MKNK2: variants seen among roughly 807,000 people sequenced by gnomAD.
The protein encoded by MKNK2 is MAP kinase-interacting serine/threonine-protein kinase 2.
MKNK2 carries 54 observed loss-of-function variants against 55.0 expected under a neutral mutation model. The observed-to-expected ratio is 0.98, with a 90% confidence interval of 0.79 to 1.23. The LOEUF (loss-of-function observed/expected upper bound fraction) is 1.23, where lower values mean the gene tolerates loss of function less well. Among genes scored for constraint, MKNK2 ranks in the 50% most tolerant of loss-of-function variants. MKNK2 has a pLI of 0.00. For missense variants in MKNK2, 685 were observed against 632.1 expected, an observed-to-expected ratio of 1.08 and a Z score of -0.90; for synonymous variants, 323 against 256.0, an observed-to-expected ratio of 1.26 and a Z score of -2.50.
chr19:2,046,705 G>A lies in MKNK2; in HGVS notation c.52-14C>T. 1 of 1,502,742 alleles carries A rather than the reference G, an allele frequency of 6.7e-7. No individual in the cohort carries two copies. The highest frequency in any genetic ancestry group is 8.9e-7 in the Non-Finnish European group (1 of 1,126,996). The allele number at this position is 1,502,742 out of a possible 1,614,324, so 93.1% of individuals were successfully genotyped here. ...GGGGTTCTGCCCCTGCAGGGGAGAGGAGAGGAGAGGCACTCAGGCCCCATC... is the reference window on the plus strand; with the variant it reads ...GGGGTTCTGCCCCTGCAGGGGAGAGAAGAGGAGAGGCACTCAGGCCCCATC... On this transcript the variant is annotated splice_polypyrimidine_tract_variant and intron_variant, in intron 2 of 13. Coordinates refer to ENST00000250896, the MANE Select transcript of MKNK2 (RefSeq NM_199054.3).
At chr19:2,043,727 G>A (rs1424676907) in intron 5 of MKNK2, 145 bp from the exon 6 acceptor site, 3 of 766,036 alleles carry the variant, frequency 3.9e-6, no homozygotes, top group East Asian at 2.8e-5. Context: ...TGTCATCCCA[G>A]CACTTTGGGA....
chr19:2,039,584 G>A lies in MKNK2; in HGVS notation c.*29C>T, dbSNP rs2016828528. ...CTTTAGATTTGATTGGGGGACGGGT[G>A]ACCTATGTACAGAGGGGAGATGGGA... is the stretch of plus-strand genomic sequence containing the variant. On this transcript the variant is annotated 3_prime_UTR_variant, in exon 14 of 14. Coordinates refer to ENST00000250896, the MANE Select transcript of MKNK2 (RefSeq NM_199054.3). 1.9e-6 allele frequency: 3 copies of A among 1,579,454 alleles called. No individual in the cohort carries two copies. The highest frequency in any genetic ancestry group is 3.4e-5 in the Admixed American group (2 of 58,306).
Position 2,037,631 on chromosome 19 carries a change from GTTTT to G in MKNK2, c.*1978_*1981del, listed in dbSNP as rs71652796. 2.1e-4 allele frequency: 127 copies of G among 591,308 alleles called. No homozygotes were observed. Among genetic ancestry groups the G allele is most frequent in the Middle Eastern group, 5.5e-4 (1 of 1,830 alleles). 36.6% of individuals were successfully genotyped at this position (591,308 alleles called of 1,614,324 possible). On this transcript the variant is annotated 3_prime_UTR_variant, in exon 14 of 14. Transcript: ENST00000250896. ...CCCCCACTTTAAAAAAACTTTTGAGGTTTTTTTTTTTTTTTTGTCTTTTAAAAAC... is the reference window on the plus strand; with the variant it reads ...CCCCCACTTTAAAAAAACTTTTGAGGTTTTTTTTTTTTGTCTTTTAAAAAC...
At chr19:2,051,040 C>T (rs891488361) in intron 1 of MKNK2, 56 bp downstream of exon 1, 10 of 362,246 alleles carry the variant, frequency 2.8e-5, no homozygotes, top group Non-Finnish European at 4.9e-5. Flanking sequence ...CTCCGCGGGG[C>T]CCGTTTCCCG....
intron 10 of MKNK2, 44 bp from the exon 11 acceptor site, chr19:2,042,078 T>TA (rs1394107064): frequency 1.4e-6 from 2 of 1,435,276 alleles, no homozygotes; most frequent in Non-Finnish European, 1.8e-6. Flanking sequence ...TTCCCAGCAT[T>TA]ACGTGGGAAC....
chr19:2,042,610 G>C lies in MKNK2; in HGVS notation c.651C>G (p.Asn217Lys). 1 of 1,566,710 alleles carries C rather than the reference G, an allele frequency of 6.4e-7. No homozygotes were observed. The highest frequency in any genetic ancestry group is 8.7e-7 in the Non-Finnish European group (1 of 1,155,446). The change falls in exon 9 of 14, where the codon AAC (asparagine) becomes AAG (lysine). Residue 217 changes from asparagine (N) to lysine (K), a missense_variant. By Grantham distance (94) the Asn-to-Lys change is moderately conservative. Transcript: ENST00000250896. The stretch of plus-strand genomic sequence containing the variant: ...CACCCTGCCGGAACTGGCCTACCTG[G>C]TTGGGGTGCTCACAGAGGATGTTTT... ...KPENILCEHP[N>K]QVSPVKICDF...
intron 12 of MKNK2, chr19:2,040,732 G>C (rs911779619): frequency 2.3e-6 from 1 of 442,716 alleles, no homozygotes; most frequent in African/African-American, 2.0e-5. Context: ...CTAGGCTGGG[G>C]TCTATGTGAG....
intron 6 of MKNK2, 121 bp from the exon 7 acceptor site, chr19:2,043,318 G>T: frequency 9.9e-7 from 1 of 1,014,204 alleles, no homozygotes. Flanking sequence ...AGCTGGGACT[G>T]GGGCAATAGG....
intron 2 of MKNK2, among the ~76,000 whole-genome samples, chr19:2,050,075 C>G (rs946603483): frequency 2.0e-5 from 3 of 152,164 alleles, no homozygotes; most frequent in Non-Finnish European, 4.4e-5. Context: ...ACTGCGTCCC[C>G]TGGGCCAGGT....
rs754998668 is a variant in MKNK2 at position 2,039,668 on chromosome 19, C to A, written c.1343G>T (p.Arg448Leu). The A allele has an allele frequency of 1.9e-6, 3 of 1,613,152 alleles. No individual in the cohort carries two copies. Among genetic ancestry groups the A allele is most frequent in the African/African-American group, 1.3e-5 (1 of 75,064 alleles). ...GGCCGAGGACAGACTGGCCCTTTGC[C>A]GCCGCTGCGCCAGCTTGGACTGGGA... ...PPSQSKLAQRRQRASLSSAPV... is the reference protein window; with the variant it reads ...PPSQSKLAQRLQRASLSSAPV... Residue 448 changes from arginine (R) to leucine (L), a missense_variant, in exon 14 of 14, where the codon CGG (arginine) becomes CTG (leucine). By Grantham distance (102) the Arg-to-Leu change is moderately radical (BLOSUM62 -2). Transcript: ENST00000250896.
rs1364293320 is a variant in MKNK2, at chr19:2,038,767, A to T, written c.*846T>A. The T allele has an allele frequency of 1.0e-6, 1 of 985,512 alleles. No individual in the cohort carries two copies. Among genetic ancestry groups the T allele is most frequent in the Non-Finnish European group, 1.2e-6 (1 of 829,944 alleles). The allele number at this position is 985,512 out of a possible 1,614,324, so 61.0% of individuals were successfully genotyped here. ...TTCAGGACCCCCCACATTGGCTGAC[A>T]GTGCCTGTCCAGCCCCTCTGCCTGC... On this transcript the variant is annotated 3_prime_UTR_variant, in exon 14 of 14. Transcript: ENST00000250896.
chr19:2,040,198 G>A, intron 12 of MKNK2, 21 bp from the exon 13 acceptor site: 2 of 1,561,000 alleles, frequency 1.3e-6, no homozygotes, highest in South Asian at 2.4e-5. Context: ...AGTGGGCGGG[G>A]GCAGGGCTGG....
chr19:2,050,737 C>A (rs540264001), intron 2 of MKNK2, 64 bp downstream of exon 2: 4 of 1,455,864 alleles, frequency 2.7e-6, no homozygotes, highest in African/African-American at 2.9e-5. Flanking sequence ...GGGCCCCGCG[C>A]CCCCCACGCC....
chr19:2,048,965 C>A (rs560866152), intron 2 of MKNK2, among the ~76,000 whole-genome samples: 1 of 152,224 alleles, frequency 6.6e-6, no homozygotes, highest in Non-Finnish European at 1.5e-5. Context: ...ACCCTGGGGT[C>A]TGTCAGCGGT....
Position 2,038,790 on chromosome 19 carries a change from TGCTGCGGTGGAAACG to T in MKNK2, c.*808_*822del. ...ACAGTGCCTGTCCAGCCCCTCTGCC[TGCTGCGGTGGAAACG>T]GCTTCGGGCCAGGCGGGGCTCCTGC... On this transcript the variant is annotated 3_prime_UTR_variant, in exon 14 of 14. Transcript: ENST00000250896. 1.0e-6 allele frequency: 1 copy of T among 985,526 alleles called. No individual in the cohort carries two copies. Among genetic ancestry groups the T allele is most frequent in the Non-Finnish European group, 1.2e-6 (1 of 829,828 alleles). 61.0% of individuals were successfully genotyped at this position (985,526 alleles called of 1,614,324 possible).
chr19:2,046,305 G>C, intron 4 of MKNK2, 22 bp from the exon 5 acceptor site: 2 of 1,603,160 alleles, frequency 1.2e-6, no homozygotes, highest in Non-Finnish European at 1.7e-6. Flanking sequence ...CGGGGCGGGC[G>C]TGAGAGGGAC....
Position 2,037,633 on chromosome 19 carries a change from T to A in MKNK2, c.*1980A>T. ...CCCACTTTAAAAAAACTTTTGAGGTTTTTTTTTTTTTTTTGTCTTTTAAAA... is the reference window on the plus strand; with the variant it reads ...CCCACTTTAAAAAAACTTTTGAGGTATTTTTTTTTTTTTTGTCTTTTAAAA... On this transcript the variant is annotated 3_prime_UTR_variant, in exon 14 of 14. Transcript: ENST00000250896. The A allele has an allele frequency of 5.0e-6, 2 of 401,218 alleles. No homozygotes were observed. The highest frequency in any genetic ancestry group is 6.5e-6 in the Non-Finnish European group (2 of 308,764). The allele number at this position is 401,218 out of a possible 1,614,324, so 24.9% of individuals were successfully genotyped here.
rs762527663 is a variant in MKNK2, at chr19:2,039,746, C to T, written c.1265G>A (p.Gly422Asp). Residue 422 changes from glycine (G) to aspartate (D), a missense_variant, in exon 14 of 14, where the codon GGC becomes GAC. By Grantham distance (94) the Gly-to-Asp change is moderately conservative (BLOSUM62 -1). Coordinates refer to ENST00000250896, the MANE Select transcript of MKNK2 (RefSeq NM_199054.3). ...GGTAGCTCGGACCAGGACGGGCTGG[C>T]CCTGCCCCGCGGCCTCCTCCTCAGC... is the stretch of plus-strand genomic sequence containing the variant. ...DLAEEEAAGQ[G>D]QPVLVRATSR... 7.5e-6 allele frequency: 12 copies of T among 1,609,890 alleles called. No homozygotes were observed.
intron 10 of MKNK2, 103 bp downstream of exon 10, chr19:2,042,324 C>G: frequency 3.7e-6 from 4 of 1,091,544 alleles, no homozygotes; most frequent in Non-Finnish European, 5.3e-6. Flanking sequence ...TAGGCGGAAG[C>G]CCGAGCTCCG....
Sources: allele counts gnomAD v4.1 joint callset (sites outside exome capture counted in the v4.1 genomes callset), GRCh38; gene constraint gnomAD v4.1.1; transcripts MANE v1.5; gene names NCBI Gene and HGNC (gene_info 2026-07-23, HGNC 2026-07-21).